Variants in MAP3K1 observed in about 807,000 individuals in gnomAD.
MAP3K1 encodes the protein mitogen-activated protein kinase kinase kinase 1.
In MAP3K1, 36 loss-of-function variants were observed where a neutral mutation model predicts 144.2. The observed-to-expected ratio is 0.25, with a 90% confidence interval of 0.19 to 0.33. The LOEUF (loss-of-function observed/expected upper bound fraction) is 0.33, where lower values mean the gene tolerates loss of function less well. Among genes scored for constraint, MAP3K1 ranks in the 10% least tolerant of loss-of-function variants. The pLI, the probability that MAP3K1 is intolerant of heterozygous loss-of-function variation, is 1.00. For synonymous variants in MAP3K1, 718 were observed against 688.7 expected, an observed-to-expected ratio of 1.04 and a Z score of -0.67; for missense variants, 1,650 against 1,881.9, an observed-to-expected ratio of 0.88 and a Z score of 2.28.
chr5:56,826,133 C>G (rs927073873), intron 1 of MAP3K1, among the ~76,000 whole-genome samples: 1 of 151,976 alleles, frequency 6.6e-6, no homozygotes, highest in Non-Finnish European at 1.5e-5. Context: ...CTCGGCGTGC[C>G]CAATGCTCTT....
chr5:56,886,756 T>C (rs1359844172), intron 17 of MAP3K1, among the ~76,000 whole-genome samples: 2 of 152,094 alleles, frequency 1.3e-5, no homozygotes, highest in Non-Finnish European at 2.9e-5. Context: ...TAGGTCCCAT[T>C]ATTTTCCTTA....
intron 17 of MAP3K1, among the ~76,000 whole-genome samples, chr5:56,886,905 G>T (rs1748394136): frequency 1.3e-5 from 2 of 152,034 alleles, no homozygotes; most frequent in South Asian, 4.1e-4. Context: ...GACAACAGGT[G>T]TGCACCACCA....
Position 56,834,119 on chromosome 5 carries a change from A to G in MAP3K1, c.482+18064A>G, listed in dbSNP as rs770684514. Among the ~76,000 whole-genome samples the G allele has an allele frequency of 1.4e-3, 155 of 108,386 alleles. 3 individuals carry two copies. Among genetic ancestry groups the G allele is most frequent in the Non-Finnish European group, 9.6e-4 (48 of 49,784 alleles). The allele number at this position is 108,386 out of a possible 152,430, so 71.1% of individuals were successfully genotyped here. The stretch of plus-strand genomic sequence containing the variant: ...CTTTATCCTTAACTGTGTCTCTGAC[A>G]TGCCATTATTTTTTCTTCAGTAGTA... On this transcript the variant is annotated intron_variant, in intron 1 of 19. Coordinates refer to ENST00000399503, the MANE Select transcript of MAP3K1 (RefSeq NM_005921.2).
intron 19 of MAP3K1, 132 bp from the exon 20 acceptor site, chr5:56,893,394 CAGAAA>C: frequency 2.3e-6 from 2 of 885,558 alleles, no homozygotes; most frequent in Non-Finnish European, 3.6e-6. Context: ...TTTTTGATAG[CAGAAA>C]ATCCTCCCAC....
In MAP3K1 at chr5:56,876,804, T is replaced by G. The variant is rs1032380152; in HGVS notation, c.1965+1494T>G. ...ATATGCCTGGCACATTGTAAGAACATTTAATATTATATAATAGTTATCATT... is the reference window on the plus strand; with the variant it reads ...ATATGCCTGGCACATTGTAAGAACAGTTAATATTATATAATAGTTATCATT... On this transcript the variant is annotated intron_variant, in intron 10 of 19. Coordinates refer to ENST00000399503, the MANE Select transcript of MAP3K1 (RefSeq NM_005921.2). Among the ~76,000 whole-genome samples, 6 of 152,324 alleles carry G rather than the reference T, an allele frequency of 3.9e-5. No individual in the cohort carries two copies. The East Asian group carries it at 9.6e-4, about 24-fold the overall frequency.
In MAP3K1 at chr5:56,815,912, C is replaced by G; in HGVS notation, c.339C>G (p.Pro113=). ...TCCAGCCTGTGGCGGTGCCGCCGCC[C>G]CACGGAGCCGCGAGCCGCGGCGGCG... ...TGFQPVAVPP[P]HGAASRGGAH... Residue 113 remains proline (P), a synonymous_variant, in exon 1 of 20, where the codon CCC becomes CCG. Coordinates refer to ENST00000399503, the MANE Select transcript of MAP3K1 (RefSeq NM_005921.2). 1 of 1,290,686 alleles carries G rather than the reference C, an allele frequency of 7.7e-7. No individual in the cohort carries two copies. Among genetic ancestry groups the G allele is most frequent in the African/African-American group, 1.6e-5 (1 of 64,472 alleles). The allele number at this position is 1,290,686 out of a possible 1,614,324, so 80.0% of individuals were successfully genotyped here.
chr5:56,877,988 A>G (rs1224960191), intron 10 of MAP3K1, among the ~76,000 whole-genome samples: 4 of 152,176 alleles, frequency 2.6e-5, no homozygotes, highest in Non-Finnish European at 4.4e-5. Context: ...CGTATTTTTC[A>G]CAAGAACGCC....
chr5:56,878,385 G>A (rs1354135728), intron 10 of MAP3K1, among the ~76,000 whole-genome samples: 3 of 152,126 alleles, frequency 2.0e-5, no homozygotes, highest in Non-Finnish European at 1.5e-5. Flanking sequence ...AACCACCATG[G>A]CATGTGTGTA....
chr5:56,846,931 G>A (rs927357955), intron 1 of MAP3K1, among the ~76,000 whole-genome samples: 1 of 152,106 alleles, frequency 6.6e-6, no homozygotes, highest in Non-Finnish European at 1.5e-5. Context: ...AATGTGTATT[G>A]GATTGATTTA....
At chr5:56,888,201 C>G in intron 18 of MAP3K1, 25 bp from the exon 19 acceptor site, 1 of 1,610,812 alleles carries the variant, frequency 6.2e-7, no homozygotes, top group Non-Finnish European at 8.5e-7. Context: ...AGTCCTATTT[C>G]CAAATTAACT....
At chr5:56,879,800 T>C (rs543491833) in intron 11 of MAP3K1, among the ~76,000 whole-genome samples, 48 of 152,326 alleles carry the variant, frequency 3.2e-4, no homozygotes, top group Middle Eastern at 3.4e-3. Flanking sequence ...TGAACAGTTA[T>C]TTGGTAGTTC....
chr5:56,884,853 T>C, intron 16 of MAP3K1, 27 bp downstream of exon 16: 1 of 1,599,866 alleles, frequency 6.3e-7, no homozygotes. Context: ...AATTACAAAA[T>C]AGTAGTACGT....
chr5:56,892,435 G>A (rs1579791172), intron 19 of MAP3K1, among the ~76,000 whole-genome samples: 1 of 151,900 alleles, frequency 6.6e-6, no homozygotes, highest in African/African-American at 2.4e-5. Flanking sequence ...GAATGCTAAA[G>A]ACAAGAAGGA....
intron 1 of MAP3K1, among the ~76,000 whole-genome samples, chr5:56,818,815 TTGTTAA>T (rs1259748261): frequency 6.6e-6 from 1 of 152,234 alleles, no homozygotes; most frequent in African/African-American, 2.4e-5. Context: ...TATGCTGTAC[TTGTTAA>T]TGTTAGTTTT....
In MAP3K1 at chr5:56,872,051, C is replaced by T. The variant is rs779694520; in HGVS notation, c.1423+20C>T. On this transcript the variant is annotated intron_variant, in intron 7 of 19. Transcript: ENST00000399503. ...CAATTTGTATGTGGCTCTTTTTCTC[C>T]CTATGCTTACTCAACACAGTTGCTC... The T allele has an allele frequency of 1.8e-5, 29 of 1,613,598 alleles. No individual in the cohort carries two copies. Among genetic ancestry groups the T allele is most frequent in the Middle Eastern group, 1.6e-4 (1 of 6,076 alleles).
rs780593590 is a variant in MAP3K1, at chr5:56,894,059, A to G, written c.*379A>G. The G allele has an allele frequency of 2.8e-6, 1 of 362,598 alleles. No homozygotes were observed. The highest frequency in any genetic ancestry group is 3.8e-5 in the South Asian group (1 of 26,480). The allele number at this position is 362,598 out of a possible 1,614,324, so 22.5% of individuals were successfully genotyped here. A position where few individuals can be genotyped will look rare whatever the true frequency, so the allele number is the denominator to read the frequency against. On this transcript the variant is annotated 3_prime_UTR_variant, in exon 20 of 20. Transcript: ENST00000399503. Reference sequence around the variant, plus strand: ...TATTTCAATTATTCTTCCATTTCATATAGTGATCACAAGCAGGGGGTTCTG... The same window carrying G: ...TATTTCAATTATTCTTCCATTTCATGTAGTGATCACAAGCAGGGGGTTCTG...
chr5:56,838,971 G>T (rs1048503536), intron 1 of MAP3K1, among the ~76,000 whole-genome samples: 1 of 152,166 alleles, frequency 6.6e-6, no homozygotes, highest in Admixed American at 6.5e-5. Flanking sequence ...AATTGAAGGG[G>T]ATTGAAGAGC....
chr5:56,826,431 T>TTA (rs1360414185), intron 1 of MAP3K1, among the ~76,000 whole-genome samples: 1 of 152,224 alleles, frequency 6.6e-6, no homozygotes, highest in African/African-American at 2.4e-5. Flanking sequence ...AAAGCACACA[T>TTA]TATTGTAAAG....
intron 1 of MAP3K1, 32 bp downstream of exon 1, chr5:56,816,087 C>T (rs1745946576): frequency 3.3e-6 from 4 of 1,204,650 alleles, no homozygotes; most frequent in South Asian, 8.5e-5. Context: ...GCGGCGGGGA[C>T]TTGGAGAGCG....
Sources: gnomAD v4.1 joint callset for allele counts (sites outside exome capture counted in the v4.1 genomes callset) on GRCh38, gnomAD v4.1.1 for gene constraint, MANE v1.5 for transcripts, NCBI Gene and HGNC (gene_info 2026-07-23, HGNC 2026-07-21) for gene names.